The following NCOA7 variants were observed in gnomAD, a reference collection of about 807,000 sequenced individuals.
NCOA7 encodes nuclear receptor coactivator 7, also known as 140 kDa estrogen receptor-associated protein.
NCOA7 carries 45 observed loss-of-function variants against 104.3 expected under a neutral mutation model. The observed-to-expected ratio is 0.43, with a 90% CI of 0.34 to 0.55. NCOA7 has a LOEUF of 0.55. NCOA7 is among the 20% of genes least tolerant of loss of function. The pLI, the probability that NCOA7 is intolerant of heterozygous loss-of-function variation, is 0.02. For synonymous variants in NCOA7, 398 were observed against 402.3 expected (o/e 0.99, Z 0.13); for missense variants, 1,041 against 1,119.7 (o/e 0.93, Z 1.00).
At chr6:125,840,874 T>G (rs202003905) in intron 2 of NCOA7, among the ~76,000 whole-genome samples, 3 of 15,168 alleles carry the variant, frequency 2.0e-4, no homozygotes, top group South Asian at 8.8e-3. Flanking sequence ...GTTGGTTTTT[T>G]TTTTTTTTTT....
At chr6:125,826,609 C>T (rs1368054856) in intron 2 of NCOA7, among the ~76,000 whole-genome samples, 1 of 152,052 alleles carries the variant, frequency 6.6e-6, no homozygotes, top group Admixed American at 6.5e-5. Flanking sequence ...GAAACATATG[C>T]ATTGCTTGCA....
At chr6:125,919,799 T>C (rs909020670) in intron 11 of NCOA7, among the ~76,000 whole-genome samples, 1 of 152,262 alleles carries the variant, frequency 6.6e-6, no homozygotes, top group Non-Finnish European at 1.5e-5. Context: ...TTTTCTTACT[T>C]GTAAATCTGG....
intron 2 of NCOA7, among the ~76,000 whole-genome samples, chr6:125,835,930 C>A (rs534402134): frequency 6.6e-6 from 1 of 152,302 alleles, no homozygotes; most frequent in South Asian, 2.1e-4. Context: ...TTTTTAGACA[C>A]TGTACATGTC....
chr6:125,878,383 T>G lies in NCOA7; in HGVS notation c.459+13T>G, dbSNP rs763330004. On this transcript the variant is annotated intron_variant, in intron 5 of 15. Transcript: ENST00000392477. ...TGTTCCAGGCCAGGTAATTATACTC[T>G]TACTGGATATAACTCTAGAAATTCT... 2.6e-6 allele frequency: 4 copies of G among 1,558,632 alleles called. No homozygotes were observed. Among genetic ancestry groups the G allele is most frequent in the South Asian group, 2.3e-5 (2 of 86,052 alleles).
rs2128705052 is a variant in NCOA7 at position 125,929,005 on chromosome 6, C to T, written c.*234C>T. ...AGGTTGTTGAAAAGACTTTGTACTC[C>T]CACTTCCTCCAAATCCATACAGTGA... On this transcript the variant is annotated 3_prime_UTR_variant, in exon 16 of 16. Coordinates refer to ENST00000392477, the MANE Select transcript of NCOA7 (RefSeq NM_181782.5). 2 of 408,202 alleles carry T rather than the reference C, an allele frequency of 4.9e-6. No individual in the cohort carries two copies. Among genetic ancestry groups the T allele is most frequent in the East Asian group, 8.1e-5 (2 of 24,576 alleles). 25.3% of individuals were successfully genotyped at this position (408,202 alleles called of 1,614,324 possible).
chr6:125,915,829 A>G (rs942598788), intron 11 of NCOA7, among the ~76,000 whole-genome samples: 3 of 152,214 alleles, frequency 2.0e-5, no homozygotes, highest in Non-Finnish European at 4.4e-5. Flanking sequence ...AGGTACTCAT[A>G]GCTGCCATTA....
chr6:125,873,578 G>T (rs1783110800), intron 3 of NCOA7, among the ~76,000 whole-genome samples: 1 of 152,114 alleles, frequency 6.6e-6, no homozygotes, highest in East Asian at 1.9e-4. Context: ...GCTCCCCATT[G>T]CCATAGATAA....
chr6:125,787,996 G>A (rs1396331822), upstream of NCOA7, among the ~76,000 whole-genome samples: 4 of 152,148 alleles, frequency 2.6e-5, no homozygotes, highest in Non-Finnish European at 5.9e-5. Flanking sequence ...GTCAGCACGT[G>A]GTGGAGCTGT....
chr6:125,916,491 G>A (rs1280080282), intron 11 of NCOA7, among the ~76,000 whole-genome samples: 1 of 152,154 alleles, frequency 6.6e-6, no homozygotes, highest in African/African-American at 2.4e-5. Context: ...GATAACATAG[G>A]CTCTCAATAC....
intron 3 of NCOA7, among the ~76,000 whole-genome samples, chr6:125,866,161 C>G (rs1782424347): frequency 7.2e-6 from 1 of 138,092 alleles, no homozygotes; most frequent in South Asian, 2.2e-4. Flanking sequence ...GAAACCCCGT[C>G]TCTACTAAGA....
chr6:125,907,456 C>T (rs924555059), intron 10 of NCOA7, among the ~76,000 whole-genome samples: 1 of 152,104 alleles, frequency 6.6e-6, no homozygotes, highest in African/African-American at 2.4e-5. Flanking sequence ...TGCTGTGAGT[C>T]CCTCATCAGC....
At chr6:125,839,898 T>G (rs1017360765) in intron 2 of NCOA7, among the ~76,000 whole-genome samples, 14 of 152,102 alleles carry the variant, frequency 9.2e-5, no homozygotes, top group Non-Finnish European at 1.9e-4. Context: ...TGATGATAAA[T>G]GACTGTGTTA....
rs1788391237 is a variant in NCOA7 at position 125,930,325 on chromosome 6, C to G, written c.*1554C>G. ...TGAGCCAAGATCGTGCCACTGCACT[C>G]TATCCTGGGTAACAGCGAGACTCTG... On this transcript the variant is annotated 3_prime_UTR_variant, in exon 16 of 16. Coordinates refer to ENST00000392477, the MANE Select transcript of NCOA7 (RefSeq NM_181782.5). 6.6e-6 allele frequency: 1 copy of G among 152,410 alleles called. No homozygotes were observed. Among genetic ancestry groups the G allele is most frequent in the African/African-American group, 2.4e-5 (1 of 41,404 alleles). 9.4% of individuals were successfully genotyped at this position (152,410 alleles called of 1,614,324 possible). A position where few individuals can be genotyped will look rare whatever the true frequency, so the allele number is the denominator to read the frequency against.
At chr6:125,882,681 C>A in intron 7 of NCOA7, 130 bp downstream of exon 7, 1 of 1,128,138 alleles carries the variant, frequency 8.9e-7, no homozygotes, top group Non-Finnish European at 1.2e-6. Context: ...TGACAAGCAT[C>A]CATTAGTTTT....
chr6:125,816,685 T>C (rs889785551), intron 2 of NCOA7, among the ~76,000 whole-genome samples: 1 of 152,230 alleles, frequency 6.6e-6, no homozygotes, highest in Admixed American at 6.5e-5. Flanking sequence ...TAGATTCACA[T>C]GTAGTTAGTT....
At chr6:125,877,086 G>A (rs1225420180) in intron 4 of NCOA7, among the ~76,000 whole-genome samples, 2 of 152,138 alleles carry the variant, frequency 1.3e-5, no homozygotes, top group African/African-American at 4.8e-5. Flanking sequence ...TAGGGTAGAA[G>A]TAGTGGCATA....
At chr6:125,896,412 G>A (rs985357036) in intron 10 of NCOA7, among the ~76,000 whole-genome samples, 1 of 152,186 alleles carries the variant, frequency 6.6e-6, no homozygotes, top group East Asian at 1.9e-4. Context: ...AAAGGTGAGT[G>A]AGCACTTTTT....
At chr6:125,882,661 A>G (rs1045872935) in intron 7 of NCOA7, 110 bp downstream of exon 7, 2 of 1,357,950 alleles carry the variant, frequency 1.5e-6, no homozygotes, top group Non-Finnish European at 2.0e-6. Context: ...CAAAGTGTCA[A>G]TTTTAGGTTT....
intron 10 of NCOA7, among the ~76,000 whole-genome samples, chr6:125,907,776 T>C (rs924520901): frequency 6.6e-6 from 1 of 152,154 alleles, no homozygotes; most frequent in Admixed American, 6.5e-5. Flanking sequence ...ACTTTAAATT[T>C]GGCACAGTAA....
Sources: allele counts gnomAD v4.1 joint callset (sites outside exome capture counted in the v4.1 genomes callset), GRCh38; gene constraint gnomAD v4.1.1; transcripts MANE v1.5; gene names NCBI Gene and HGNC (gene_info 2026-07-23, HGNC 2026-07-21).